PUDP: variants seen among roughly 807,000 people sequenced by gnomAD.
The protein encoded by PUDP is pseudouridine-5'-phosphatase.
In PUDP, 8 loss-of-function variants were observed where a neutral mutation model predicts 9.4. The observed-to-expected ratio is 0.85, with a 90% CI of 0.50 to 1.53. The LOEUF is 1.53. Ranked by LOEUF, PUDP falls within the 40% of genes most tolerant of loss-of-function variation. PUDP has a pLI of 0.00. For synonymous variants in PUDP, 99 were observed against 80.7 expected (o/e 1.23, Z -1.22); for missense variants, 188 against 189.7 (o/e 0.99, Z 0.05).
chrX:7,074,547 T>C (rs954603392), intron 3 of PUDP, among the ~76,000 whole-genome samples: 2 of 112,444 alleles, frequency 1.8e-5, no homozygotes, highest in Non-Finnish European at 3.8e-5. Flanking sequence ...TATCAGTTTG[T>C]AAATACAGAA....
At chrX:6,931,976 C>G (rs745961136) in intron 3 of PUDP, among the ~76,000 whole-genome samples, 3 of 112,189 alleles carry the variant, frequency 2.7e-5, no homozygotes, top group Admixed American at 9.5e-5. Context: ...CACCCAAATG[C>G]TTTTAAATCA....
intron 3 of PUDP, among the ~76,000 whole-genome samples, chrX:6,802,406 T>C (rs1419301958): frequency 1.8e-5 from 2 of 111,772 alleles, no homozygotes. Context: ...ATCCTCATTT[T>C]ACAGATAGGA....
At chrX:6,749,837 T>C (rs1226967277) in intron 3 of PUDP, among the ~76,000 whole-genome samples, 3 of 111,645 alleles carry the variant, frequency 2.7e-5, no homozygotes, top group Non-Finnish European at 5.6e-5. Flanking sequence ...ACCGTGAAAA[T>C]GGCCCTTAAA....
chrX:6,811,064 A>G (rs1485193346), intron 3 of PUDP, among the ~76,000 whole-genome samples: 1 of 111,864 alleles, frequency 8.9e-6, no homozygotes, highest in African/African-American at 3.3e-5. Flanking sequence ...TAGCCCAGCA[A>G]CACTAAGAAC....
At chrX:6,867,281 A>C (rs1461140395) in intron 3 of PUDP, among the ~76,000 whole-genome samples, 2 of 112,180 alleles carry the variant, frequency 1.8e-5, no homozygotes, top group African/African-American at 6.5e-5. Context: ...TATGTTCAAC[A>C]ACAAATGCTT....
At chrX:7,047,700 T>C (rs1027045096), downstream of PUDP, among the ~76,000 whole-genome samples, 85 of 112,497 alleles carry the variant, frequency 7.6e-4, no homozygotes, top group African/African-American at 2.7e-3. Context: ...GTTCTAGAGA[T>C]TGCTTGTGAG....
chrX:6,789,732 T>G (rs951840295), intron 3 of PUDP, among the ~76,000 whole-genome samples: 6 of 110,943 alleles, frequency 5.4e-5, no homozygotes, highest in African/African-American at 2.0e-4. Context: ...GGTAGAAGTT[T>G]TGTTTATTTA....
chrX:7,003,962 T>C (rs1021517222), intron 1 of PUDP, among the ~76,000 whole-genome samples: 2 of 111,426 alleles, frequency 1.8e-5, no homozygotes, highest in Non-Finnish European at 3.8e-5. Context: ...TTGCAACCTG[T>C]GCCTCCAGGC....
intron 3 of PUDP, among the ~76,000 whole-genome samples, chrX:6,921,704 T>G (rs1951946269): frequency 1.8e-5 from 2 of 110,107 alleles, no homozygotes; most frequent in Admixed American, 2.0e-4. Context: ...AACTCCCTCC[T>G]AATTTTTCTA....
At chrX:6,982,302 G>C (rs1602700937) in intron 1 of PUDP, among the ~76,000 whole-genome samples, 1 of 111,961 alleles carries the variant, frequency 8.9e-6, no homozygotes, top group East Asian at 2.8e-4. Context: ...GAGCTTAATT[G>C]GCGTGAGGTC....
intron 1 of PUDP, among the ~76,000 whole-genome samples, chrX:7,141,926 T>C (rs1323612032): frequency 1.8e-5 from 2 of 112,360 alleles, no homozygotes; most frequent in Non-Finnish European, 3.7e-5. Flanking sequence ...GTTTACAGCA[T>C]GGTTTACCGA....
At chrX:7,035,915 C>T (rs1929847304) in intron 1 of PUDP, among the ~76,000 whole-genome samples, 1 of 111,675 alleles carries the variant, frequency 9.0e-6, no homozygotes, top group African/African-American at 3.3e-5. Context: ...ATGTCCTCTC[C>T]TGATGGTGAA....
At chrX:6,801,964 C>A (rs1925941739) in intron 3 of PUDP, among the ~76,000 whole-genome samples, 1 of 111,737 alleles carries the variant, frequency 8.9e-6, no homozygotes, top group Non-Finnish European at 1.9e-5. Context: ...GAAGGCAACA[C>A]TGAGTGTTAC....
chrX:6,751,244 C>A (rs1043078529), intron 3 of PUDP, among the ~76,000 whole-genome samples: 1 of 111,255 alleles, frequency 9.0e-6, no homozygotes, highest in Admixed American at 9.5e-5. Flanking sequence ...GCAATTGTGA[C>A]CTCAAAAAGA....
chrX:7,107,492 C>T (rs1023069377), intron 1 of PUDP, among the ~76,000 whole-genome samples: 1 of 112,081 alleles, frequency 8.9e-6, no homozygotes, highest in Admixed American at 9.4e-5. Context: ...GTAATTGCCT[C>T]GATGTGTTTT....
intron 3 of PUDP, among the ~76,000 whole-genome samples, chrX:6,873,853 A>G (rs1927211945): frequency 8.9e-6 from 1 of 112,301 alleles, no homozygotes; most frequent in South Asian, 3.7e-4. Context: ...TTAAGCAAAA[A>G]CACTAATCAG....
intron 1 of PUDP, among the ~76,000 whole-genome samples, chrX:7,137,771 C>A (rs1249379927): frequency 8.9e-6 from 1 of 112,154 alleles, no homozygotes; most frequent in Non-Finnish European, 1.9e-5. Flanking sequence ...CTGTGAGTAC[C>A]TTCTCTTCGA....
chrX:6,924,375 C>T (rs1301648498), intron 3 of PUDP, among the ~76,000 whole-genome samples: 11 of 111,544 alleles, frequency 9.9e-5, no homozygotes, highest in Admixed American at 1.9e-4. Flanking sequence ...AGAAATAGAA[C>T]GGGGGTTGAA....
At chrX:7,124,206 A>G (rs1932419392) in intron 1 of PUDP, among the ~76,000 whole-genome samples, 1 of 112,467 alleles carries the variant, frequency 8.9e-6, no homozygotes, top group African/African-American at 3.2e-5. Context: ...ATCAACAATG[A>G]AATTAGAAAT....
Sources: allele counts gnomAD v4.1 joint callset (sites outside exome capture counted in the v4.1 genomes callset), GRCh38; gene constraint gnomAD v4.1.1; transcripts MANE v1.5; gene names NCBI Gene and HGNC (gene_info 2026-07-23, HGNC 2026-07-21).